PTPN13: variants seen among roughly 807,000 people sequenced by gnomAD.
The protein encoded by PTPN13 is tyrosine-protein phosphatase non-receptor type 13.
Under a neutral mutation model 284.0 loss-of-function variants are expected in PTPN13, and 191 were observed. That is an observed-to-expected ratio of 0.67 (90% CI 0.60 to 0.76). The LOEUF (loss-of-function observed/expected upper bound fraction) is 0.76, where lower values mean the gene tolerates loss of function less well. Among genes scored for constraint, PTPN13 ranks in the 30% least tolerant of loss-of-function variants. PTPN13 has a pLI of 0.00. For missense variants in PTPN13, 2,797 were observed against 2,939.9 expected, an observed-to-expected ratio of 0.95 and a Z score of 1.12; for synonymous variants, 986 against 1,022.3, an observed-to-expected ratio of 0.96 and a Z score of 0.68.
intron 3 of PTPN13, among the ~76,000 whole-genome samples, chr4:86,683,468 T>C (rs773812660): frequency 6.6e-6 from 1 of 152,140 alleles, no homozygotes; most frequent in Non-Finnish European, 1.5e-5. Flanking sequence ...CAGAGGAGAG[T>C]TGACCTTTCT....
intron 1 of PTPN13, among the ~76,000 whole-genome samples, chr4:86,625,861 T>A (rs1012260952): frequency 2.6e-5 from 4 of 152,220 alleles, no homozygotes; most frequent in African/African-American, 9.6e-5. Flanking sequence ...AGGACAAATA[T>A]GAATTTTTAC....
At chr4:86,639,682 G>T (rs1723527109) in intron 2 of PTPN13, among the ~76,000 whole-genome samples, 2 of 151,900 alleles carry the variant, frequency 1.3e-5, no homozygotes. Context: ...ACTGTTGTGG[G>T]GTGGGGGGAA....
At chr4:86,752,144 C>T (rs956208257) in intron 19 of PTPN13, among the ~76,000 whole-genome samples, 1 of 152,042 alleles carries the variant, frequency 6.6e-6, no homozygotes, top group East Asian at 1.9e-4. Flanking sequence ...TATGAAACAG[C>T]GTGGGAAACA....
intron 2 of PTPN13, among the ~76,000 whole-genome samples, chr4:86,666,299 T>C (rs1727065942): frequency 2.1e-5 from 1 of 47,726 alleles, no homozygotes; most frequent in Admixed American, 2.9e-4. Context: ...ATACCCGAGG[T>C]TCGTAGACTT....
Position 86,758,932 on chromosome 4 carries a change from A to G in PTPN13, c.3422-10A>G, listed in dbSNP as rs752228036. The stretch of plus-strand genomic sequence containing the variant: ...TGTTGTTGAAAATACTGGATTGTCT[A>G]TTTGTACAGGAGACCGTTTGATATC... On this transcript the variant is annotated splice_polypyrimidine_tract_variant and intron_variant, in intron 22 of 47. Coordinates refer to ENST00000411767, the MANE Select transcript of PTPN13 (RefSeq NM_080683.3). 1.4e-5 allele frequency: 22 copies of G among 1,609,850 alleles called. No individual in the cohort carries two copies. Among genetic ancestry groups the G allele is most frequent in the Non-Finnish European group, 1.7e-5 (20 of 1,178,494 alleles).
At chr4:86,738,091 T>C (rs28833029) in intron 15 of PTPN13, among the ~76,000 whole-genome samples, 12,402 of 152,244 alleles carry the variant, frequency 0.081, 645 homozygotes, top group Non-Finnish European at 0.11. Flanking sequence ...TTCTTTTTTT[T>C]TTCTGAGTAG....
At chr4:86,694,898 T>G (rs1455196699) in intron 6 of PTPN13, among the ~76,000 whole-genome samples, 3 of 152,138 alleles carry the variant, frequency 2.0e-5, no homozygotes, top group Middle Eastern at 6.8e-3. Flanking sequence ...TAAAATAGAT[T>G]AAAAAGTTAA....
At chr4:86,637,441 G>A (rs1024356973) in intron 2 of PTPN13, among the ~76,000 whole-genome samples, 30 of 151,604 alleles carry the variant, frequency 2.0e-4, no homozygotes, top group African/African-American at 6.5e-4. Flanking sequence ...TAAAATACTG[G>A]CAAACCGAAT....
At chr4:86,802,935 G>C (rs4693784) in intron 42 of PTPN13, among the ~76,000 whole-genome samples, 20,577 of 151,736 alleles carry the variant, frequency 0.14, 1,779 homozygotes, top group East Asian at 0.29. Flanking sequence ...TTACCCAGGC[G>C]TGGTGGTGCT....
At chr4:86,622,237 G>A (rs1365160118) in intron 1 of PTPN13, among the ~76,000 whole-genome samples, 1 of 152,118 alleles carries the variant, frequency 6.6e-6, no homozygotes, top group Non-Finnish European at 1.5e-5. Flanking sequence ...CTGTAAATCA[G>A]TGTGAACATA....
chr4:86,741,009 C>T (rs920241943), intron 15 of PTPN13, among the ~76,000 whole-genome samples: 1 of 152,206 alleles, frequency 6.6e-6, no homozygotes, highest in Non-Finnish European at 1.5e-5. Flanking sequence ...TCTGAGACCA[C>T]CTCAGCCTGG....
At chr4:86,771,053 T>A (rs761984538) in intron 30 of PTPN13, 118 bp from the exon 31 acceptor site, 9 of 1,109,532 alleles carry the variant, frequency 8.1e-6, no homozygotes, top group Non-Finnish European at 1.0e-5. Flanking sequence ...AAATTACTTT[T>A]ATCATCAGAA....
At chr4:86,756,193 T>G in intron 20 of PTPN13, among the ~76,000 whole-genome samples, 1 of 152,134 alleles carries the variant, frequency 6.6e-6, no homozygotes, top group East Asian at 1.9e-4. Context: ...TTTAATCTGT[T>G]CTCTCTTACC....
intron 19 of PTPN13, among the ~76,000 whole-genome samples, chr4:86,752,685 T>C (rs1052813216): frequency 3.3e-4 from 50 of 152,192 alleles, no homozygotes; most frequent in African/African-American, 1.2e-3. Context: ...TTGTATTTAT[T>C]CATTCTTACT....
chr4:86,654,250 A>C (rs2148819526), intron 2 of PTPN13, among the ~76,000 whole-genome samples: 1 of 152,298 alleles, frequency 6.6e-6, no homozygotes, highest in South Asian at 2.1e-4. Flanking sequence ...TTTTTTGAAA[A>C]GATCAACAAA....
At chr4:86,717,200 T>G (rs1354471095) in intron 9 of PTPN13, 83 bp downstream of exon 9, 1 of 1,057,302 alleles carries the variant, frequency 9.5e-7, no homozygotes, top group African/African-American at 1.6e-5. Context: ...TTTTTTTTTT[T>G]TTTTTTGAGA....
In PTPN13 at chr4:86,701,710, GC is replaced by G; in HGVS notation, c.1107del (p.Thr370ProfsTer22). On this transcript the variant is annotated frameshift_variant, in exon 7 of 48. Transcript: ENST00000411767. LOFTEE classifies it high-confidence loss of function. ...ATCCAATATATCACACTCGAGAATT[GC>G]CCACCTCCTCAGCAATATCAAGTGC... ...MDPIYHTREL[P>X]TSSAISSALD... The G allele has an allele frequency of 6.2e-7, 1 of 1,613,822 alleles. No homozygotes were observed. Among genetic ancestry groups the G allele is most frequent in the East Asian group, 2.2e-5 (1 of 44,898 alleles).
Position 86,775,595 on chromosome 4 carries a change from A to T in PTPN13, c.5834A>T (p.Glu1945Val). ...GTCAGCACACAAGGAATGACCTTGG[A>T]GGAAGTTAACAGAGCATTAGACATG... ...NGVSTQGMTL[E>V]EVNRALDMSL... is the part of the protein sequence containing the mutation. The change falls in exon 35 of 48, where the codon GAG becomes GTG. Residue 1945 changes from glutamate (E) to valine (V), a missense_variant. Transcript: ENST00000411767. 1 of 1,613,516 alleles carries T rather than the reference A, an allele frequency of 6.2e-7. No homozygotes were observed. Among genetic ancestry groups the T allele is most frequent in the Non-Finnish European group, 8.5e-7 (1 of 1,179,718 alleles).
intron 40 of PTPN13, among the ~76,000 whole-genome samples, chr4:86,787,518 G>A (rs537500285): frequency 6.6e-6 from 1 of 151,892 alleles, no homozygotes; most frequent in African/African-American, 2.4e-5. Context: ...TTTGAACCTG[G>A]CAGACGGAGG....
Sources: gnomAD v4.1 joint callset for allele counts (sites outside exome capture counted in the v4.1 genomes callset) on GRCh38, gnomAD v4.1.1 for gene constraint, MANE v1.5 for transcripts, NCBI Gene and HGNC (gene_info 2026-07-23, HGNC 2026-07-21) for gene names.